Variants in CSPG5 observed in about 807,000 individuals in gnomAD.
The protein encoded by CSPG5 is acidic leucine-rich EGF-like domain-containing brain protein.
Under a neutral mutation model 39.8 loss-of-function variants are expected in CSPG5, and 25 were observed. The observed-to-expected ratio is 0.63, with a 90% CI of 0.46 to 0.88. The LOEUF is 0.88. Among genes scored for constraint, CSPG5 ranks in the 40% least tolerant of loss-of-function variants. The probability of loss-of-function intolerance (pLI) is 0.00; values close to 1 mark genes in which losing one functional copy is unlikely to be tolerated. For missense variants in CSPG5, 627 were observed against 702.2 expected (o/e 0.89, Z 1.21); for synonymous variants, 295 against 303.9 (o/e 0.97, Z 0.31).
In CSPG5 at chr3:47,562,427, AT is replaced by A. The variant is rs1385302419; in HGVS notation, c.*172del. On this transcript the variant is annotated 3_prime_UTR_variant, in exon 5 of 5. Transcript: ENST00000264723. ...GCAATTCTGTTCAGTTTCTTTGCTT[AT>A]TTTAAGTATTTTTTTGCCTCCTGTA... is the stretch of plus-strand genomic sequence containing the variant. 1.8e-5 allele frequency: 10 copies of A among 556,508 alleles called. No homozygotes were observed. The highest frequency in any genetic ancestry group is 1.4e-5 in the Non-Finnish European group (5 of 345,014). The allele number at this position is 556,508 out of a possible 1,614,324, so 34.5% of individuals were successfully genotyped here. A position where few individuals can be genotyped will look rare whatever the true frequency, so the allele number is the denominator to read the frequency against.
At chr3:47,574,684 A>G (rs1266323096) in intron 2 of CSPG5, among the ~76,000 whole-genome samples, 1 of 152,210 alleles carries the variant, frequency 6.6e-6, no homozygotes, top group Non-Finnish European at 1.5e-5. Flanking sequence ...TCACGCCTGT[A>G]ATCCCACCAC....
At chr3:47,563,226 A>C (rs1031649827) in intron 4 of CSPG5, among the ~76,000 whole-genome samples, 3 of 152,178 alleles carry the variant, frequency 2.0e-5, no homozygotes, top group African/African-American at 7.2e-5. Context: ...GAACTGGTAA[A>C]GTGCAGAACT....
chr3:47,567,945 A>T (rs1180194086), intron 4 of CSPG5, among the ~76,000 whole-genome samples: 1 of 152,212 alleles, frequency 6.6e-6, no homozygotes, highest in Non-Finnish European at 1.5e-5. Context: ...CCAGGAGTCT[A>T]GGTCTGCACT....
At chr3:47,570,877 C>G (rs2031503862) in intron 3 of CSPG5, among the ~76,000 whole-genome samples, 1 of 152,110 alleles carries the variant, frequency 6.6e-6, no homozygotes. Flanking sequence ...GGACTGACAA[C>G]AATATGAACA....
At chr3:47,563,511 C>T (rs1428004561) in intron 4 of CSPG5, among the ~76,000 whole-genome samples, 1 of 152,158 alleles carries the variant, frequency 6.6e-6, no homozygotes, top group Non-Finnish European at 1.5e-5. Context: ...ACTCCTGAAC[C>T]TGAGCTGAAT....
chr3:47,566,849 C>T (rs2031321568), intron 4 of CSPG5, among the ~76,000 whole-genome samples: 2 of 152,172 alleles, frequency 1.3e-5, no homozygotes, highest in Non-Finnish European at 1.5e-5. Context: ...CTGTGGCTGA[C>T]CCCCAAGCCC....
chr3:47,571,786 G>C (rs2031538866), intron 3 of CSPG5, among the ~76,000 whole-genome samples: 1 of 152,110 alleles, frequency 6.6e-6, no homozygotes, highest in Admixed American at 6.5e-5. Flanking sequence ...AAGGGAAGTG[G>C]GGGCAGTTCT....
At chr3:47,569,041 A>G (rs1342509611) in intron 4 of CSPG5, 111 bp downstream of exon 4, 3 of 1,457,948 alleles carry the variant, frequency 2.1e-6, no homozygotes, top group Non-Finnish European at 1.8e-6. Flanking sequence ...AAGCATGCAT[A>G]AGAGGAGAGA....
At chr3:47,576,196 CA>C (rs2031723125) in intron 2 of CSPG5, among the ~76,000 whole-genome samples, 3 of 152,204 alleles carry the variant, frequency 2.0e-5, no homozygotes, top group African/African-American at 7.2e-5. Flanking sequence ...CTCGGCCTCC[CA>C]AAGTGCTGGG....
chr3:47,569,117 G>A (rs938951817), intron 4 of CSPG5, 35 bp downstream of exon 4: 2 of 1,592,698 alleles, frequency 1.3e-6, no homozygotes, highest in Non-Finnish European at 1.7e-6. Context: ...GGCATGGGGG[G>A]AGGAGGTACG....
rs534810931 is a variant in CSPG5 at position 47,578,521 on chromosome 3, G to A, written c.97+76C>T. On this transcript the variant is annotated intron_variant, in intron 1 of 4. Transcript: ENST00000264723. The surrounding 1 kb of genome is among the most constrained non-coding windows in gnomAD (Gnocchi z 6.0). The stretch of plus-strand genomic sequence containing the variant: ...CTTGCCACAGCTCACAGCTCCACCT[G>A]TCCCCGCCGCCAGCGGGACCCCTGC... 3.1e-5 allele frequency: 14 copies of A among 446,000 alleles called. No homozygotes were observed. The highest frequency in any genetic ancestry group is 2.7e-4 in the African/African-American group (13 of 47,538). The allele number at this position is 446,000 out of a possible 1,614,324, so 27.6% of individuals were successfully genotyped here.
intron 2 of CSPG5, among the ~76,000 whole-genome samples, chr3:47,574,957 A>C (rs150065885): frequency 8.7e-4 from 132 of 152,288 alleles, no homozygotes; most frequent in East Asian, 6.6e-3. Context: ...ACAACAACAA[A>C]AAAAAGAACT....
rs575533322 is a variant in CSPG5, at chr3:47,563,045, G to A, written c.1459-284C>T. Among the ~76,000 whole-genome samples, 103 of 152,300 alleles carry A rather than the reference G, an allele frequency of 6.8e-4. 1 individual carries two copies. The highest frequency in any genetic ancestry group is 2.4e-3 in the African/African-American group (98 of 41,552). On this transcript the variant is annotated intron_variant, in intron 4 of 4. Coordinates refer to ENST00000264723, the MANE Select transcript of CSPG5 (RefSeq NM_006574.4). Reference sequence around the variant, plus strand: ...GGTTTTCTCTTGGACAGAGATTGGGGAGAAAGAGTCCCTTGGCCCAGGCGC... The same window carrying A: ...GGTTTTCTCTTGGACAGAGATTGGGAAGAAAGAGTCCCTTGGCCCAGGCGC...
chr3:47,578,197 G>T lies in CSPG5; in HGVS notation c.98-269C>A. On this transcript the variant is annotated intron_variant, in intron 1 of 4. Coordinates refer to ENST00000264723, the MANE Select transcript of CSPG5 (RefSeq NM_006574.4). The surrounding 1 kb of genome is among the most constrained non-coding windows in gnomAD (Gnocchi z 6.0). ...CCCCGCCGTCTGAAGAGCCAGGCCAGGGCGGCCCCCAGCTCGGCCCACCCA... is the reference window on the plus strand; with the variant it reads ...CCCCGCCGTCTGAAGAGCCAGGCCATGGCGGCCCCCAGCTCGGCCCACCCA... 1 of 444,330 alleles carries T rather than the reference G, an allele frequency of 2.3e-6. No homozygotes were observed. Among genetic ancestry groups the T allele is most frequent in the Non-Finnish European group, 3.6e-6 (1 of 275,348 alleles). 27.5% of individuals were successfully genotyped at this position (444,330 alleles called of 1,614,324 possible). A position where few individuals can be genotyped will look rare whatever the true frequency, so the allele number is the denominator to read the frequency against.
At chr3:47,576,647 A>G (rs2031748223) in intron 2 of CSPG5, among the ~76,000 whole-genome samples, 186 bp downstream of exon 2, 1 of 151,870 alleles carries the variant, frequency 6.6e-6, no homozygotes, top group South Asian at 2.1e-4. Context: ...TTTAGTAGAG[A>G]TGGGGTTTCA....
intron 2 of CSPG5, among the ~76,000 whole-genome samples, chr3:47,574,561 G>A (rs1402722977): frequency 6.6e-6 from 1 of 152,092 alleles, no homozygotes. Flanking sequence ...CTTAATCATA[G>A]TACCTCCTTC....
chr3:47,563,642 A>G (rs1057219770), intron 4 of CSPG5, among the ~76,000 whole-genome samples: 7 of 149,632 alleles, frequency 4.7e-5, no homozygotes, highest in African/African-American at 1.7e-4. Context: ...GCAATCTTGA[A>G]CCTCTTGGGT....
chr3:47,569,291 G>A, intron 3 of CSPG5, 64 bp from the exon 4 acceptor site: 2 of 1,524,378 alleles, frequency 1.3e-6, no homozygotes, highest in Non-Finnish European at 1.8e-6. Context: ...ACATGACAAT[G>A]TCTCAGCTTC....
rs1250370143 is a variant in CSPG5 at position 47,578,561 on chromosome 3, G to C, written c.97+36C>G. ...GGGACCCCTGCCCTGGGTGGGGCAC[G>C]AGGGCCGCGGGGGTCCCGGGCGCAG... On this transcript the variant is annotated intron_variant, in intron 1 of 4. Coordinates refer to ENST00000264723, the MANE Select transcript of CSPG5 (RefSeq NM_006574.4). This position sits in a 1 kb window ranked among gnomAD's most constrained non-coding sequence, Gnocchi z 6.0. 6.2e-6 allele frequency: 5 copies of C among 808,742 alleles called. No homozygotes were observed. The highest frequency in any genetic ancestry group is 4.4e-4 in the Middle Eastern group (1 of 2,264). The allele number at this position is 808,742 out of a possible 1,614,324, so 50.1% of individuals were successfully genotyped here. A position where few individuals can be genotyped will look rare whatever the true frequency, so the allele number is the denominator to read the frequency against.
Sources: gnomAD v4.1 joint callset for allele counts (sites outside exome capture counted in the v4.1 genomes callset) on GRCh38, gnomAD v4.1.1 for gene constraint, Gnocchi (gnomAD v3.1) non-coding constraint, MANE v1.5 for transcripts, NCBI Gene and HGNC (gene_info 2026-07-23, HGNC 2026-07-21) for gene names.